KIAA1217: variants seen among roughly 807,000 people sequenced by gnomAD.
KIAA1217 encodes sickle tail protein homolog.
In KIAA1217, 88 loss-of-function variants were observed where a neutral mutation model predicts 163.9. That is an observed-to-expected ratio of 0.54 (90% CI 0.45 to 0.64). The LOEUF (loss-of-function observed/expected upper bound fraction) is 0.64, where lower values mean the gene tolerates loss of function less well. KIAA1217 is among the 30% of genes least tolerant of loss of function. The pLI is 0.00. For missense variants in KIAA1217, 2,372 were observed against 2,475.0 expected (o/e 0.96, Z 0.88); for synonymous variants, 903 against 923.1 (o/e 0.98, Z 0.39).
At chr10:23,778,100 T>C (rs138161451) in intron 1 of KIAA1217, among the ~76,000 whole-genome samples, 1,551 of 152,012 alleles carry the variant, frequency 0.01, 47 homozygotes, top group African/African-American at 0.031. Flanking sequence ...CACCACCATG[T>C]TTGGCTAATT....
intron 1 of KIAA1217, among the ~76,000 whole-genome samples, chr10:23,825,091 A>C (rs939593362): frequency 1.3e-5 from 2 of 152,180 alleles, no homozygotes; most frequent in African/African-American, 4.8e-5. Flanking sequence ...CCTTGAATCA[A>C]GTTTCCAATT....
chr10:24,380,666 T>G (rs2053181324), intron 2 of KIAA1217, among the ~76,000 whole-genome samples: 1 of 151,768 alleles, frequency 6.6e-6, no homozygotes, highest in South Asian at 2.1e-4. Context: ...AATGGAACAC[T>G]TAAGGGCAAT....
At chr10:24,096,404 T>G (rs968378907) in intron 2 of KIAA1217, among the ~76,000 whole-genome samples, 1 of 152,168 alleles carries the variant, frequency 6.6e-6, no homozygotes, top group South Asian at 2.1e-4. Context: ...CTCCTCCTAT[T>G]TAGTCACCCA....
chr10:24,029,811 G>A (rs1848119312), intron 2 of KIAA1217, among the ~76,000 whole-genome samples: 1 of 152,142 alleles, frequency 6.6e-6, no homozygotes, highest in Admixed American at 6.5e-5. Context: ...TTAAAGTGGG[G>A]AGAGAGAGAA....
At chr10:24,060,684 T>C (rs1002662490) in intron 2 of KIAA1217, among the ~76,000 whole-genome samples, 22 of 152,154 alleles carry the variant, frequency 1.4e-4, no homozygotes, top group African/African-American at 5.1e-4. Flanking sequence ...TAGTCCTAGA[T>C]ACTTGGGAGG....
chr10:24,140,044 C>A (rs2063991436), intron 2 of KIAA1217, among the ~76,000 whole-genome samples: 1 of 151,852 alleles, frequency 6.6e-6, no homozygotes, highest in Non-Finnish European at 1.5e-5. Flanking sequence ...AGAACTTTCG[C>A]CTTTTCACCT....
At chr10:23,863,153 T>C (rs942559858) in intron 1 of KIAA1217, among the ~76,000 whole-genome samples, 5 of 152,184 alleles carry the variant, frequency 3.3e-5, no homozygotes, top group Non-Finnish European at 7.3e-5. Flanking sequence ...TTTCCTCATC[T>C]GTGAAATGGG....
rs561117778 is a variant in KIAA1217, at chr10:24,368,980, G to A, written c.355-11889G>A. 7.8e-5 allele frequency: 37 copies of A among 476,286 alleles called. No homozygotes were observed. The African/African-American group carries it at 8.0e-4, about 10-fold the overall frequency. The allele number at this position is 476,286 out of a possible 1,614,324, so 29.5% of individuals were successfully genotyped here. ...AAAAGTGAGAACCGAGGTTCAGAAA[G>A]GTTTCATATGGAGTTGCACCGTGAG... On this transcript the variant is annotated intron_variant, in intron 2 of 20. Transcript: ENST00000376454.
chr10:23,931,079 C>T (rs954212635), intron 1 of KIAA1217, among the ~76,000 whole-genome samples: 11 of 152,130 alleles, frequency 7.2e-5, no homozygotes, highest in African/African-American at 2.7e-4. Flanking sequence ...GTTCCTACTT[C>T]TAGGCTGCAA....
chr10:24,540,237 T>C (rs1193008365), intron 17 of KIAA1217, among the ~76,000 whole-genome samples: 1 of 149,122 alleles, frequency 6.7e-6, no homozygotes, highest in Non-Finnish European at 1.5e-5. Flanking sequence ...TTTTGAAATT[T>C]ATTTATTTAT....
chr10:23,817,111 G>T (rs976234971), intron 1 of KIAA1217, among the ~76,000 whole-genome samples: 1 of 152,164 alleles, frequency 6.6e-6, no homozygotes, highest in Non-Finnish European at 1.5e-5. Flanking sequence ...TCTTCCAAAA[G>T]CCATACTCTA....
At chr10:23,934,619 A>ATTTTTTTT (rs1219984756) in intron 1 of KIAA1217, among the ~76,000 whole-genome samples, 1 of 64,670 alleles carries the variant, frequency 1.5e-5, no homozygotes, top group Non-Finnish European at 2.7e-5. Flanking sequence ...ATATATATAT[A>ATTTTTTTT]TATATATTTT....
rs563892514 is a variant in KIAA1217, at chr10:24,437,589, A to T, written c.753-797A>T. ...CCTTGGGTGGCCCTTCTGCTGATGA[A>T]AGCTGAACATGGAGGGAGAGAGACT... On this transcript the variant is annotated intron_variant, in intron 4 of 20. Transcript: ENST00000376454. Among the ~76,000 whole-genome samples the T allele has an allele frequency of 2.1e-4, 32 of 152,286 alleles. 1 individual carries two copies. The South Asian group carries it at 6.6e-3, about 32-fold the overall frequency.
intron 6 of KIAA1217, among the ~76,000 whole-genome samples, chr10:24,489,381 TG>T (rs2065812695): frequency 6.6e-6 from 1 of 152,204 alleles, no homozygotes; most frequent in Non-Finnish European, 1.5e-5. Context: ...ATATGTCTTC[TG>T]GAAACTTAAG....
chr10:24,319,129 A>G (rs1048920244), intron 2 of KIAA1217, among the ~76,000 whole-genome samples: 2 of 152,234 alleles, frequency 1.3e-5, no homozygotes, highest in East Asian at 1.9e-4. Context: ...TGTAATCCCA[A>G]CACTTTGGGA....
chr10:24,294,828 A>G (rs2040396525), intron 2 of KIAA1217, among the ~76,000 whole-genome samples: 1 of 152,210 alleles, frequency 6.6e-6, no homozygotes, highest in South Asian at 2.1e-4. Flanking sequence ...AGGCAAGTGC[A>G]ATTCGGTCAC....
intron 12 of KIAA1217, among the ~76,000 whole-genome samples, chr10:24,523,778 A>G (rs2071666030): frequency 6.6e-6 from 1 of 152,180 alleles, no homozygotes; most frequent in Middle Eastern, 3.2e-3. Flanking sequence ...CTTTTCCACT[A>G]CATCATGGGT....
intron 1 of KIAA1217, among the ~76,000 whole-genome samples, chr10:23,824,658 A>AAAAATAT (rs1837805755): frequency 1.9e-4 from 10 of 53,040 alleles, no homozygotes; most frequent in South Asian, 9.0e-4. Context: ...AAATAAAAAA[A>AAAAATAT]ATATATATAT....
intron 1 of KIAA1217, among the ~76,000 whole-genome samples, chr10:23,789,148 C>A (rs1835622128): frequency 6.6e-6 from 1 of 152,078 alleles, no homozygotes; most frequent in African/African-American, 2.4e-5. Flanking sequence ...AGAGAAATAA[C>A]TTCTATTTTA....
Sources: allele counts gnomAD v4.1 joint callset (sites outside exome capture counted in the v4.1 genomes callset), GRCh38; gene constraint gnomAD v4.1.1; transcripts MANE v1.5; gene names NCBI Gene and HGNC (gene_info 2026-07-23, HGNC 2026-07-21).